Variants in GPR107 observed in about 807,000 individuals in gnomAD.
GPR107 encodes the protein protein GPR107.
Under a neutral mutation model 75.5 loss-of-function variants are expected in GPR107, and 31 were observed. The ratio of observed to expected loss-of-function variants is 0.41; its 90% confidence interval spans 0.31 to 0.55. GPR107 has a LOEUF of 0.55. Among genes scored for constraint, GPR107 ranks in the 20% least tolerant of loss-of-function variants. The pLI is 0.26. For missense variants in GPR107, 572 were observed against 665.7 expected (o/e 0.86, Z 1.55); for synonymous variants, 267 against 251.3 (o/e 1.06, Z -0.59).
intron 9 of GPR107, among the ~76,000 whole-genome samples, chr9:130,096,845 C>T (rs553058506): frequency 3.6e-4 from 55 of 152,316 alleles, no homozygotes; most frequent in African/African-American, 1.1e-3. Context: ...TATCTATAGA[C>T]GTTGTTGTAC....
chr9:130,109,426 C>T (rs1004450601), intron 14 of GPR107, among the ~76,000 whole-genome samples: 1 of 152,148 alleles, frequency 6.6e-6, no homozygotes, highest in Non-Finnish European at 1.5e-5. Flanking sequence ...CTGCCTCGGC[C>T]TCCCAAAGTG....
intron 1 of GPR107, among the ~76,000 whole-genome samples, chr9:130,074,948 A>G (rs1449063136): frequency 8.0e-5 from 12 of 150,530 alleles, no homozygotes; most frequent in Non-Finnish European, 5.9e-5. Flanking sequence ...GCATTGTACT[A>G]TCAGGAAGGA....
In GPR107 at chr9:130,135,286, C is replaced by G. The variant is rs1405371368; in HGVS notation, c.*165C>G. The G allele has an allele frequency of 1.0e-5, 5 of 491,986 alleles. No homozygotes were observed. Among genetic ancestry groups the G allele is most frequent in the African/African-American group, 2.0e-5 (1 of 49,600 alleles). The allele number at this position is 491,986 out of a possible 1,614,324, so 30.5% of individuals were successfully genotyped here. ...CCGCGGAAACCTGATTTTGTACTCT[C>G]TTTTATGGAAACGATCTGTGGCTGT... On this transcript the variant is annotated 3_prime_UTR_variant, in exon 18 of 18. Transcript: ENST00000347136.
chr9:130,114,273 G>A (rs1186937098), intron 14 of GPR107, among the ~76,000 whole-genome samples: 1 of 151,874 alleles, frequency 6.6e-6, no homozygotes, highest in African/African-American at 2.4e-5. Flanking sequence ...AGAAGCTGAG[G>A]TAGAAGGATT....
chr9:130,125,701 G>T (rs1345184312), intron 15 of GPR107, among the ~76,000 whole-genome samples: 1 of 149,534 alleles, frequency 6.7e-6, no homozygotes, highest in African/African-American at 2.5e-5. Context: ...TAGAAAAATG[G>T]GATCACACTG....
chr9:130,074,353 G>C (rs905370486), intron 1 of GPR107, among the ~76,000 whole-genome samples: 1 of 152,104 alleles, frequency 6.6e-6, no homozygotes, highest in African/African-American at 2.4e-5. Flanking sequence ...GGGATGTCCA[G>C]GAAACCCCAA....
chr9:130,074,052 C>T (rs950025155), intron 1 of GPR107, among the ~76,000 whole-genome samples: 2 of 152,174 alleles, frequency 1.3e-5, no homozygotes, highest in Non-Finnish European at 2.9e-5. Flanking sequence ...CCACCACGCC[C>T]GGCCGAGTCC....
Position 130,122,036 on chromosome 9 carries a change from A to C in GPR107, c.1307-2879A>C, listed in dbSNP as rs1481166590. Among the ~76,000 whole-genome samples, 5 of 151,936 alleles carry C rather than the reference A, an allele frequency of 3.3e-5. No homozygotes were observed. The South Asian group carries it at 8.3e-4, about 25-fold the overall frequency. The stretch of plus-strand genomic sequence containing the variant: ...CTCCCCAGTAGCTGGGACTACAGGC[A>C]TCCGCCACCATGCCCGGCTAATTTT... On this transcript the variant is annotated intron_variant, in intron 14 of 17. Coordinates refer to ENST00000347136, the MANE Select transcript of GPR107 (RefSeq NM_020960.5).
At chr9:130,072,676 ATGATGATGC>A (rs1003726625) in intron 1 of GPR107, among the ~76,000 whole-genome samples, 1 of 152,080 alleles carries the variant, frequency 6.6e-6, no homozygotes, top group Admixed American at 6.6e-5. Context: ...ATCAAATGAA[ATGATGATGC>A]AAAGGTTTAA....
chr9:130,136,757 G>C lies in GPR107; in HGVS notation c.*1636G>C, dbSNP rs1290441627. On this transcript the variant is annotated 3_prime_UTR_variant, in exon 18 of 18. Transcript: ENST00000347136. ...TTTTCTGCACTTTGATTCGCCATCT[G>C]GGTTCTGTAGGGTGCTCTGAAGGTG... 4 of 152,300 alleles carry C rather than the reference G, an allele frequency of 2.6e-5. No homozygotes were observed. Among genetic ancestry groups the C allele is most frequent in the Non-Finnish European group, 5.9e-5 (4 of 68,060 alleles). The allele number at this position is 152,300 out of a possible 1,614,324, so 9.4% of individuals were successfully genotyped here.
Position 130,071,035 on chromosome 9 carries a change from C to CTTTTTTTTTTTTT in GPR107, c.142-4595_142-4583dup, listed in dbSNP as rs56799662. On this transcript the variant is annotated intron_variant, in intron 1 of 17. Transcript: ENST00000347136. ...GGCCCAGTCCTAACTTTTTTTTTTT[C>CTTTTTTTTTTTTT]TTTTTTTTTTTTTTTTTTGAGACAG... Among the ~76,000 whole-genome samples, 9 of 98,192 alleles carry CTTTTTTTTTTTTT rather than the reference C, an allele frequency of 9.2e-5. 1 individual carries two copies. The highest frequency in any genetic ancestry group is 1.1e-4 in the Non-Finnish European group (6 of 54,888). The allele number at this position is 98,192 out of a possible 152,430, so 64.4% of individuals were successfully genotyped here.
chr9:130,102,061 G>GTTT (rs1554895244), intron 12 of GPR107, among the ~76,000 whole-genome samples: 4 of 152,204 alleles, frequency 2.6e-5, no homozygotes, highest in Non-Finnish European at 5.9e-5. Flanking sequence ...AATGGGACAG[G>GTTT]CCAGTTGCTC....
intron 1 of GPR107, among the ~76,000 whole-genome samples, chr9:130,055,594 A>C (rs1829761650): frequency 6.6e-6 from 1 of 152,178 alleles, no homozygotes; most frequent in Non-Finnish European, 1.5e-5. Flanking sequence ...TGTTTTAGCA[A>C]ACTATGAAGC....
At chr9:130,081,205 C>T (rs117862177) in intron 5 of GPR107, among the ~76,000 whole-genome samples, 2,469 of 151,888 alleles carry the variant, frequency 0.016, 28 homozygotes, top group East Asian at 0.029. Context: ...ACCCTGTCTC[C>T]GAAATAAATA....
rs1185692411 is a variant in GPR107 at position 130,136,162 on chromosome 9, A to G, written c.*1041A>G. 6.6e-6 allele frequency: 1 copy of G among 152,254 alleles called. No individual in the cohort carries two copies. The highest frequency in any genetic ancestry group is 2.1e-4 in the South Asian group (1 of 4,836). 9.4% of individuals were successfully genotyped at this position (152,254 alleles called of 1,614,324 possible). A position where few individuals can be genotyped will look rare whatever the true frequency, so the allele number is the denominator to read the frequency against. ...TGAATTCAACAGACTTGGTCCCCAT[A>G]GTCCAAGAGTATGTATGTGAAGAAA... On this transcript the variant is annotated 3_prime_UTR_variant, in exon 18 of 18. Transcript: ENST00000347136.
At chr9:130,134,912 C>A in intron 17 of GPR107, 113 bp from the exon 18 acceptor site, 1 of 708,936 alleles carries the variant, frequency 1.4e-6, no homozygotes, top group Non-Finnish European at 2.5e-6. Context: ...TAGATTTTGT[C>A]TGTTTCAAAA....
At chr9:130,068,399 C>G (rs141935240) in intron 1 of GPR107, among the ~76,000 whole-genome samples, 3 of 149,060 alleles carry the variant, frequency 2.0e-5, no homozygotes, top group Non-Finnish European at 4.4e-5. Context: ...CATGTTTTTA[C>G]GCGGAATTCA....
intron 14 of GPR107, chr9:130,110,221 GCT>G: frequency 1.7e-6 from 1 of 596,718 alleles, no homozygotes; most frequent in African/African-American, 1.8e-5. Flanking sequence ...TTAGTAAGGT[GCT>G]CTGTCTGGAG....
rs144602511 is a variant in GPR107, at chr9:130,082,215, G to T, written c.527-1350G>T. On this transcript the variant is annotated intron_variant, in intron 5 of 17. Coordinates refer to ENST00000347136, the MANE Select transcript of GPR107 (RefSeq NM_020960.5). ...GCCCTCACATCCAACACTGGGGACT[G>T]CCTTTCCACATGAGATTTGGAGGGG... 1.7e-3 allele frequency among the ~76,000 whole-genome samples: 259 copies of T among 152,244 alleles called. 4 individuals are homozygous for T. In the South Asian group the frequency reaches 0.036, roughly 21 times the overall value.
Sources: gnomAD v4.1 joint callset for allele counts (sites outside exome capture counted in the v4.1 genomes callset) on GRCh38, gnomAD v4.1.1 for gene constraint, MANE v1.5 for transcripts, NCBI Gene and HGNC (gene_info 2026-07-23, HGNC 2026-07-21) for gene names.